The following MCM10 variants were observed in gnomAD, a reference collection of about 807,000 sequenced individuals.
The protein encoded by MCM10 is minichromosome maintenance 10 replication initiation factor.
MCM10 carries 91 observed loss-of-function variants against 109.9 expected under a neutral mutation model. That is an observed-to-expected ratio of 0.83 (90% CI 0.70 to 0.99). The LOEUF (loss-of-function observed/expected upper bound fraction) is 0.99. MCM10 is among the 50% of genes least tolerant of loss of function. The pLI, the probability that MCM10 is intolerant of heterozygous loss-of-function variation, is 0.00. For synonymous variants in MCM10, 380 were observed against 387.2 expected, an observed-to-expected ratio of 0.98 and a Z score of 0.22; for missense variants, 1,077 against 1,061.2, an observed-to-expected ratio of 1.01 and a Z score of -0.21.
At chr10:13,170,793 AC>A (rs2131557649) in intron 2 of MCM10, 128 bp from the exon 3 acceptor site, 1 of 688,136 alleles carries the variant, frequency 1.5e-6, no homozygotes, top group Non-Finnish European at 2.4e-6. Context: ...TGAACCCATC[AC>A]CCAGGTAATG....
At chr10:13,186,622 C>T (rs1008401849) in intron 9 of MCM10, among the ~76,000 whole-genome samples, 2 of 152,012 alleles carry the variant, frequency 1.3e-5, no homozygotes, top group Admixed American at 1.3e-4. Context: ...TCCATTATAC[C>T]TTTTCTTAGG....
chr10:13,209,472 G>T lies in MCM10; in HGVS notation c.*162G>T. 1 of 622,952 alleles carries T rather than the reference G, an allele frequency of 1.6e-6. No homozygotes were observed. The highest frequency in any genetic ancestry group is 2.9e-6 in the Non-Finnish European group (1 of 350,812). The allele number at this position is 622,952 out of a possible 1,614,324, so 38.6% of individuals were successfully genotyped here. A position where few individuals can be genotyped will look rare whatever the true frequency, so the allele number is the denominator to read the frequency against. On this transcript the variant is annotated 3_prime_UTR_variant, in exon 20 of 20. Transcript: ENST00000378714. ...CTGCTTACTTTCTGCCATTGGGTTG[G>T]TTTGATACCACATTTAACATTGACA...
chr10:13,173,802 T>A (rs1318679055), intron 5 of MCM10, among the ~76,000 whole-genome samples: 2 of 152,018 alleles, frequency 1.3e-5, no homozygotes, highest in African/African-American at 2.4e-5. Context: ...CAAAGTTTGG[T>A]TTTAAGGGGT....
chr10:13,180,638 T>C, intron 7 of MCM10, 31 bp downstream of exon 7: 1 of 1,610,522 alleles, frequency 6.2e-7, no homozygotes, highest in Non-Finnish European at 8.5e-7. Flanking sequence ...CTTAGCTGTT[T>C]TACTACAAAC....
intron 6 of MCM10, among the ~76,000 whole-genome samples, chr10:13,177,126 A>G (rs539138824): frequency 8.6e-4 from 131 of 152,286 alleles, no homozygotes; most frequent in Middle Eastern, 3.4e-3. Flanking sequence ...GTAATGAACC[A>G]TGTTGCTGCT....
At chr10:13,162,422 A>T (rs1261053623) in intron 1 of MCM10, among the ~76,000 whole-genome samples, 1 of 152,210 alleles carries the variant, frequency 6.6e-6, no homozygotes, top group Non-Finnish European at 1.5e-5. Context: ...GAAAGGGAAG[A>T]TTACCGTGGC....
intron 16 of MCM10, among the ~76,000 whole-genome samples, chr10:13,200,938 TG>T (rs1177113875): frequency 1.3e-5 from 2 of 152,068 alleles, no homozygotes; most frequent in African/African-American, 4.8e-5. Flanking sequence ...TGAGGTCAGG[TG>T]TTTGAGACCA....
chr10:13,200,691 C>CT (rs1834486394), intron 16 of MCM10, among the ~76,000 whole-genome samples: 1 of 152,204 alleles, frequency 6.6e-6, no homozygotes, highest in African/African-American at 2.4e-5. Context: ...GGGCTGTTCC[C>CT]TGATGTCCCG....
At chr10:13,169,162 C>A (rs1316864798) in intron 2 of MCM10, among the ~76,000 whole-genome samples, 3 of 152,168 alleles carry the variant, frequency 2.0e-5, no homozygotes, top group African/African-American at 7.2e-5. Flanking sequence ...GGTTTTCCAC[C>A]CTATGCAAAT....
At position 13,201,502 on chromosome 10, in the gene MCM10, G is replaced by A. The variant is rs755452710; in HGVS notation, c.2320G>A (p.Glu774Lys). 1.1e-5 allele frequency: 17 copies of A among 1,612,214 alleles called. No homozygotes were observed. The highest frequency in any genetic ancestry group is 4.5e-5 in the East Asian group (2 of 44,774). Residue 774 changes from glutamate (E) to lysine (K), a missense_variant, in exon 17 of 20, where the codon GAA becomes AAA. Transcript: ENST00000378714. ...GGAAGAAAAGATGAGAAACATCAGAGAAGTGAAGTGCCGTGTCGTGACATG... is the reference window on the plus strand; with the variant it reads ...GGAAGAAAAGATGAGAAACATCAGAAAAGTGAAGTGCCGTGTCGTGACATG... The part of the protein sequence containing the change: ...QMEEKMRNIR[E>K]VKCRVVTCKT...
chr10:13,206,410 G>T (rs3781081), intron 18 of MCM10, among the ~76,000 whole-genome samples: 115,748 of 152,006 alleles, frequency 0.76, 44,539 homozygotes, highest in Non-Finnish European at 0.82. Flanking sequence ...ACTGCCTTTT[G>T]GTGTGCTTGC....
chr10:13,191,145 C>T (rs1303212779), intron 10 of MCM10, among the ~76,000 whole-genome samples, 154 bp from the exon 11 acceptor site: 1 of 152,078 alleles, frequency 6.6e-6, no homozygotes, highest in Non-Finnish European at 1.5e-5. Context: ...ACCAGTTATG[C>T]TATTGGGCCG....
intron 2 of MCM10, among the ~76,000 whole-genome samples, chr10:13,167,059 A>G (rs1834010895): frequency 6.6e-6 from 1 of 152,088 alleles, no homozygotes; most frequent in Non-Finnish European, 1.5e-5. Context: ...GGATCGCTTG[A>G]GCCCAGGAGT....
chr10:13,208,038 C>T (rs948557528), intron 18 of MCM10, among the ~76,000 whole-genome samples: 7 of 152,108 alleles, frequency 4.6e-5, no homozygotes, highest in African/African-American at 1.7e-4. Context: ...AAGTTTTCAC[C>T]ATAGTGTTCA....
chr10:13,165,926 A>G (rs1009717128), intron 2 of MCM10, among the ~76,000 whole-genome samples: 11 of 151,076 alleles, frequency 7.3e-5, no homozygotes, highest in African/African-American at 2.5e-4. Context: ...TAGTAAGAAA[A>G]TCTCATTTGA....
intron 8 of MCM10, among the ~76,000 whole-genome samples, chr10:13,185,082 G>C (rs1834257248): frequency 1.3e-5 from 2 of 152,276 alleles, no homozygotes; most frequent in South Asian, 4.2e-4. Context: ...ATTGGGCAAA[G>C]CACCTTAGGC....
At chr10:13,204,101 G>C in intron 17 of MCM10, 118 bp from the exon 18 acceptor site, 1 of 1,250,536 alleles carries the variant, frequency 8.0e-7, no homozygotes, top group Non-Finnish European at 1.1e-6. Flanking sequence ...CCCCTAGCAA[G>C]GGCCCAGGTA....
intron 2 of MCM10, among the ~76,000 whole-genome samples, chr10:13,164,727 T>TAGAAA (rs1833971905): frequency 6.6e-6 from 1 of 152,180 alleles, no homozygotes; most frequent in African/African-American, 2.4e-5. Context: ...AATGTTTACC[T>TAGAAA]AGAAAAGAGA....
rs1163056167 is a variant in MCM10 at position 13,161,624 on chromosome 10, CG to C, written c.-76+21del. On this transcript the variant is annotated intron_variant, in intron 1 of 19. Transcript: ENST00000378714. ...GGCATCGGGTGAGGAGCGCGGGCCC[CG>C]GGCGTGCGTGTGACCCTCGGGCGGC... 6.6e-6 allele frequency: 1 copy of C among 152,362 alleles called. No individual in the cohort carries two copies. The highest frequency in any genetic ancestry group is 1.5e-5 in the Non-Finnish European group (1 of 68,160). The allele number at this position is 152,362 out of a possible 1,614,324, so 9.4% of individuals were successfully genotyped here.
Sources: allele counts gnomAD v4.1 joint callset (sites outside exome capture counted in the v4.1 genomes callset), GRCh38; gene constraint gnomAD v4.1.1; transcripts MANE v1.5; gene names NCBI Gene and HGNC (gene_info 2026-07-23, HGNC 2026-07-21).